The following BDH1 variants were observed in gnomAD, a reference collection of about 807,000 sequenced individuals.
BDH1 encodes the protein 3-hydroxybutyrate dehydrogenase 1.
Under a neutral mutation model 33.1 loss-of-function variants are expected in BDH1, and 30 were observed. The ratio of observed to expected loss-of-function variants is 0.91; its 90% CI spans 0.68 to 1.23. The LOEUF (loss-of-function observed/expected upper bound fraction) is 1.23. Among genes scored for constraint, BDH1 ranks in the 50% most tolerant of loss-of-function variants. BDH1 has a pLI of 0.00. For missense variants in BDH1, 443 were observed against 464.4 expected (o/e 0.95, Z 0.42); for synonymous variants, 190 against 183.6 (o/e 1.03, Z -0.28).
At position 197,525,998 on chromosome 3, in the gene BDH1, C is replaced by T. The variant is rs547676309; in HGVS notation, c.268-3217G>A. ...TAGTTCCGCTGTGTTGGTGCGTGTG[C>T]AACTGGCTTATTGATAAACCCACTT... On this transcript the variant is annotated intron_variant, in intron 5 of 7. Coordinates refer to ENST00000392379, the MANE Select transcript of BDH1 (RefSeq NM_203314.3). The surrounding 1 kb of genome is among the most constrained non-coding windows in gnomAD (Gnocchi z 4.9). 6.6e-6 allele frequency among the ~76,000 whole-genome samples: 1 copy of T among 152,198 alleles called. No homozygotes were observed. Among genetic ancestry groups the T allele is most frequent in the Non-Finnish European group, 1.5e-5 (1 of 68,036 alleles).
upstream of BDH1, among the ~76,000 whole-genome samples, chr3:197,556,757 G>A (rs934768204): frequency 6.6e-6 from 1 of 152,210 alleles, no homozygotes; most frequent in Non-Finnish European, 1.5e-5. Context: ...TAGAACAACG[G>A]AGGGCCATCG....
At chr3:197,548,447 GA>G (rs1358202147) in intron 2 of BDH1, among the ~76,000 whole-genome samples, 1 of 152,256 alleles carries the variant, frequency 6.6e-6, no homozygotes, top group Non-Finnish European at 1.5e-5. Context: ...GCCTGTGGCA[GA>G]AAATGCTTTA....
At chr3:197,524,172 A>C (rs1713849615) in intron 5 of BDH1, among the ~76,000 whole-genome samples, 1 of 152,240 alleles carries the variant, frequency 6.6e-6, no homozygotes, top group South Asian at 2.1e-4. Flanking sequence ...GTCATAAATG[A>C]CTTAATTGGC....
At chr3:197,515,603 A>C in intron 6 of BDH1, 1 of 985,514 alleles carries the variant, frequency 1.0e-6, no homozygotes, top group Non-Finnish European at 1.2e-6. Context: ...CTTCAGTTCT[A>C]TACACATTAG....
intron 6 of BDH1, among the ~76,000 whole-genome samples, chr3:197,518,461 T>C (rs1369470682): frequency 8.1e-4 from 6 of 7,382 alleles, no homozygotes; most frequent in South Asian, 0.019. Flanking sequence ...GGTCTCCATC[T>C]CCCCCTCAGG....
Position 197,510,363 on chromosome 3 carries a change from C to T in BDH1, c.*1532G>A, listed in dbSNP as rs547072734. 2.0e-5 allele frequency: 3 copies of T among 152,398 alleles called. No homozygotes were observed. The South Asian group carries it at 6.2e-4, about 32-fold the overall frequency. 9.4% of individuals were successfully genotyped at this position (152,398 alleles called of 1,614,324 possible). A position where few individuals can be genotyped will look rare whatever the true frequency, so the allele number is the denominator to read the frequency against. ...CCAGGGAGAGGCGGAAACGCGGAGT[C>T]TGATTCGAAGGCGGGCACTGGGGAC... On this transcript the variant is annotated 3_prime_UTR_variant, in exon 8 of 8. Transcript: ENST00000392379.
At chr3:197,533,747 A>T (rs1429465935) in intron 3 of BDH1, 186 bp from the exon 4 acceptor site, 2 of 598,896 alleles carry the variant, frequency 3.3e-6, no homozygotes, top group Non-Finnish European at 6.0e-6. Context: ...AGTATTTGCT[A>T]TGGCTATGTT....
At position 197,528,475 on chromosome 3, in the gene BDH1, G is replaced by A. The variant is rs1184530204; in HGVS notation, c.267+3937C>T. The A allele has an allele frequency of 6.6e-6, 1 of 152,200 alleles. No homozygotes were observed. The highest frequency in any genetic ancestry group is 1.5e-5 in the Non-Finnish European group (1 of 68,040). The allele number at this position is 152,200 out of a possible 1,614,324, so 9.4% of individuals were successfully genotyped here. On this transcript the variant is annotated intron_variant, in intron 5 of 7. Transcript: ENST00000392379. The surrounding 1 kb of genome is among the most constrained non-coding windows in gnomAD (Gnocchi z 5.1). ...AACACTAATTCTGAACAAGAGCAGA[G>A]AGAGTGTTTAGGTACAGATGTAGCC...
chr3:197,516,564 C>T lies in BDH1; in HGVS notation c.410-2148G>A, dbSNP rs919357224. The stretch of plus-strand genomic sequence containing the variant: ...TAACATCCCCAAGATCGCCTCCGCA[C>T]CAGTGGCCCCTCAGTTCTCCTTGGG... On this transcript the variant is annotated intron_variant, in intron 6 of 7. Coordinates refer to ENST00000392379, the MANE Select transcript of BDH1 (RefSeq NM_203314.3). The surrounding 1 kb of genome is among the most constrained non-coding windows in gnomAD (Gnocchi z 4.2). 6.6e-6 allele frequency among the ~76,000 whole-genome samples: 1 copy of T among 152,088 alleles called. No individual in the cohort carries two copies. Among genetic ancestry groups the T allele is most frequent in the Non-Finnish European group, 1.5e-5 (1 of 68,010 alleles).
rs372544633 is a variant in BDH1 at position 197,521,070 on chromosome 3, G to T, written c.409+1570C>A. Among the ~76,000 whole-genome samples, 1 of 152,126 alleles carries T rather than the reference G, an allele frequency of 6.6e-6. No homozygotes were observed. Among genetic ancestry groups the T allele is most frequent in the Non-Finnish European group, 1.5e-5 (1 of 68,012 alleles). ...TGATACAGGCTCAGCAGAGCTCCCC[G>T]CATGGGATCTGGTCACTCCTGCCTT... On this transcript the variant is annotated intron_variant, in intron 6 of 7. Coordinates refer to ENST00000392379, the MANE Select transcript of BDH1 (RefSeq NM_203314.3). This position sits in a 1 kb window ranked among gnomAD's most constrained non-coding sequence, Gnocchi z 4.9.
rs1045073875 is a variant in BDH1 at position 197,525,844 on chromosome 3, T to TGTGCTCCCTCTGCAGGTCTCC, written c.268-3084_268-3064dup. 2.0e-5 allele frequency among the ~76,000 whole-genome samples: 3 copies of TGTGCTCCCTCTGCAGGTCTCC among 152,170 alleles called. No homozygotes were observed. The highest frequency in any genetic ancestry group is 4.1e-4 in the South Asian group (2 of 4,830). ...ACCACCTCCCTGGACCCAGGGTTTC[T>TGTGCTCCCTCTGCAGGTCTCC]GTGCTCCCTCTGCAGGTCTCCGTGC... On this transcript the variant is annotated intron_variant, in intron 5 of 7. Transcript: ENST00000392379. The surrounding 1 kb of genome is among the most constrained non-coding windows in gnomAD (Gnocchi z 4.9).
At chr3:197,563,202 T>A (rs1717323328) in intron 1 of BDH1, among the ~76,000 whole-genome samples, 1 of 152,252 alleles carries the variant, frequency 6.6e-6, no homozygotes, top group African/African-American at 2.4e-5. Flanking sequence ...TGTCCAATTG[T>A]TAATTAAATT....
At chr3:197,542,339 C>G (rs1715704423) in intron 3 of BDH1, among the ~76,000 whole-genome samples, 1 of 152,134 alleles carries the variant, frequency 6.6e-6, no homozygotes, top group Admixed American at 6.5e-5. Context: ...GGCGTTAGGC[C>G]CAAAACCAGC....
At chr3:197,543,012 G>A in intron 3 of BDH1, 2 of 985,434 alleles carry the variant, frequency 2.0e-6, no homozygotes, top group Non-Finnish European at 2.4e-6. Flanking sequence ...CCGCATTTGA[G>A]AGCGCTCCCT....
chr3:197,536,786 TG>T (rs1384648987), intron 3 of BDH1, among the ~76,000 whole-genome samples: 1 of 152,084 alleles, frequency 6.6e-6, no homozygotes, highest in Non-Finnish European at 1.5e-5. Context: ...GAGGTCAAAG[TG>T]AGCCGAGATC....
chr3:197,568,807 C>G (rs149788380), intron 1 of BDH1, among the ~76,000 whole-genome samples: 1,765 of 152,002 alleles, frequency 0.012, 32 homozygotes, highest in African/African-American at 0.04. Context: ...CTACAGCAAC[C>G]CATGCAATTT....
intron 4 of BDH1, among the ~76,000 whole-genome samples, chr3:197,533,236 CA>C (rs371186786): frequency 1.4e-4 from 22 of 151,864 alleles, no homozygotes; most frequent in African/African-American, 5.1e-4. Flanking sequence ...TCTCGCCCCC[CA>C]CCTAGGCCTC....
At position 197,511,469 on chromosome 3, in the gene BDH1, C is replaced by G; in HGVS notation, c.*426G>C. On this transcript the variant is annotated 3_prime_UTR_variant, in exon 8 of 8. Coordinates refer to ENST00000392379, the MANE Select transcript of BDH1 (RefSeq NM_203314.3). ...AGCCGTGGCAGGAACACATAACTGG[C>G]ACTATTTATAAGCGATAAAAGGGTT... 1 of 178,042 alleles carries G rather than the reference C, an allele frequency of 5.6e-6. No homozygotes were observed. Among genetic ancestry groups the G allele is most frequent in the Admixed American group, 6.0e-5 (1 of 16,608 alleles). 11.0% of individuals were successfully genotyped at this position (178,042 alleles called of 1,614,324 possible).
upstream of BDH1, among the ~76,000 whole-genome samples, chr3:197,559,886 G>A (rs764405082): frequency 7.2e-5 from 11 of 152,146 alleles, no homozygotes; most frequent in Admixed American, 2.6e-4. Flanking sequence ...AGAAACATTC[G>A]GCTGTGAGGT....
Sources: allele counts gnomAD v4.1 joint callset (sites outside exome capture counted in the v4.1 genomes callset), GRCh38; gene constraint gnomAD v4.1.1; non-coding constraint Gnocchi (gnomAD v3.1); transcripts MANE v1.5; gene names NCBI Gene and HGNC (gene_info 2026-07-23, HGNC 2026-07-21).